NLGN1: variants seen among roughly 807,000 people sequenced by gnomAD.
NLGN1 encodes neuroligin 1.
NLGN1 carries 12 observed loss-of-function variants against 65.5 expected under a neutral mutation model. That is an observed-to-expected ratio of 0.18 (90% CI 0.12 to 0.30). NLGN1 has a LOEUF of 0.30. Among genes scored for constraint, NLGN1 ranks in the 10% least tolerant of loss-of-function variants. The probability of loss-of-function intolerance (pLI) is 1.00; values close to 1 mark genes in which losing one functional copy is unlikely to be tolerated. For missense variants in NLGN1, 750 were observed against 1,007.1 expected (o/e 0.74, Z 3.46); for synonymous variants, 350 against 359.5 (o/e 0.97, Z 0.30).
At chr3:173,414,261 A>C (rs1713212021) in intron 1 of NLGN1, among the ~76,000 whole-genome samples, 1 of 152,176 alleles carries the variant, frequency 6.6e-6, no homozygotes, top group African/African-American at 2.4e-5. Flanking sequence ...TGAGTGTGAT[A>C]AAGGAGATAT....
chr3:173,456,787 T>G (rs1722579650), intron 2 of NLGN1, among the ~76,000 whole-genome samples: 1 of 152,106 alleles, frequency 6.6e-6, no homozygotes, highest in South Asian at 2.1e-4. Context: ...GTGGGAGCAG[T>G]AGCTGTGAAA....
rs190309724 is a variant in NLGN1 at position 174,250,774 on chromosome 3, C to G, written c.647-24541C>G. On this transcript the variant is annotated intron_variant, in intron 4 of 6. Coordinates refer to ENST00000457714, the Ensembl canonical transcript of NLGN1. ...GGCCCATCTCGGGGGAAAGAAGCAG[C>G]TGTGACCCAGAATATATAGATAATC... 7.4e-3 allele frequency among the ~76,000 whole-genome samples: 1,120 copies of G among 152,072 alleles called. 47 individuals are homozygous for G. The highest frequency in any genetic ancestry group is 0.068 in the Admixed American group (1,045 of 15,268).
intron 4 of NLGN1, among the ~76,000 whole-genome samples, chr3:174,067,770 A>T (rs542072160): frequency 6.6e-6 from 1 of 152,182 alleles, no homozygotes; most frequent in Admixed American, 6.6e-5. Flanking sequence ...AAATGGAATG[A>T]TCAGATTCAA....
intron 4 of NLGN1, among the ~76,000 whole-genome samples, chr3:173,882,506 G>A (rs946289107): frequency 1.3e-5 from 2 of 152,204 alleles, no homozygotes; most frequent in Admixed American, 6.5e-5. Flanking sequence ...TGGATAACTT[G>A]CTACAGCATC....
intron 2 of NLGN1, among the ~76,000 whole-genome samples, chr3:173,526,274 A>T (rs1005231736): frequency 1.3e-5 from 2 of 152,008 alleles, no homozygotes; most frequent in Non-Finnish European, 2.9e-5. Context: ...ATATATTTAT[A>T]GTTAAATCTT....
At position 173,566,203 on chromosome 3, in the gene NLGN1, G is replaced by A. The variant is rs151230791; in HGVS notation, c.-320-38076G>A. Among the ~76,000 whole-genome samples, 14 of 152,252 alleles carry A rather than the reference G, an allele frequency of 9.2e-5. No homozygotes were observed. In the East Asian group the frequency reaches 2.5e-3, roughly 27 times the overall value. ...TATCTGGTTAGTAAATGGGTTAACC[G>A]ATCTGTACATTTCATGCATCATGGT... On this transcript the variant is annotated intron_variant, in intron 2 of 6. Transcript: ENST00000457714.
At chr3:173,694,719 C>A (rs1765957776) in intron 3 of NLGN1, among the ~76,000 whole-genome samples, 1 of 152,088 alleles carries the variant, frequency 6.6e-6, no homozygotes, top group Admixed American at 6.5e-5. Context: ...AGATTATAAG[C>A]CTAGGGCTTA....
chr3:173,543,317 T>A (rs1008725729), intron 2 of NLGN1, among the ~76,000 whole-genome samples: 4 of 152,158 alleles, frequency 2.6e-5, no homozygotes, highest in Non-Finnish European at 5.9e-5. Flanking sequence ...AATGGATGTA[T>A]TGCTAATGAA....
At chr3:174,272,327 T>C (rs749077131) in intron 4 of NLGN1, among the ~76,000 whole-genome samples, 7 of 151,750 alleles carry the variant, frequency 4.6e-5, no homozygotes, top group Admixed American at 1.3e-4. Context: ...TTTAAATGAC[T>C]ACTTCACTAG....
intron 4 of NLGN1, among the ~76,000 whole-genome samples, chr3:174,033,140 A>ACCGTG (rs1553918456): frequency 6.6e-6 from 1 of 152,182 alleles, no homozygotes; most frequent in East Asian, 1.9e-4. Context: ...ACACTGTACC[A>ACCGTG]CCGCGCCACG....
At chr3:173,698,391 TGAGA>T (rs1766565078) in intron 3 of NLGN1, among the ~76,000 whole-genome samples, 1 of 152,176 alleles carries the variant, frequency 6.6e-6, no homozygotes, top group Non-Finnish European at 1.5e-5. Context: ...CTTTCACTGA[TGAGA>T]GATAACAGAC....
intron 2 of NLGN1, among the ~76,000 whole-genome samples, chr3:173,452,428 C>T (rs1721760401): frequency 6.6e-6 from 1 of 152,176 alleles, no homozygotes; most frequent in South Asian, 2.1e-4. Context: ...CCTCATGATC[C>T]ACCCGCCTTG....
intron 4 of NLGN1, among the ~76,000 whole-genome samples, chr3:174,107,671 T>TTA (rs1328987263): frequency 1.3e-5 from 2 of 152,160 alleles, no homozygotes; most frequent in Non-Finnish European, 2.9e-5. Context: ...CATTGCTGGG[T>TTA]TATACAATAG....
chr3:173,590,779 G>T (rs1748352211), intron 2 of NLGN1, among the ~76,000 whole-genome samples: 1 of 152,048 alleles, frequency 6.6e-6, no homozygotes, highest in South Asian at 2.1e-4. Context: ...AGGGAGGAAG[G>T]ATTCTATTCA....
At chr3:173,521,750 T>C (rs1418771078) in intron 2 of NLGN1, among the ~76,000 whole-genome samples, 1 of 152,212 alleles carries the variant, frequency 6.6e-6, no homozygotes, top group Non-Finnish European at 1.5e-5. Context: ...CTAAACACTT[T>C]ACATACTCGT....
At chr3:173,934,168 A>AT (rs1465887033) in intron 4 of NLGN1, among the ~76,000 whole-genome samples, 1 of 150,740 alleles carries the variant, frequency 6.6e-6, no homozygotes, top group East Asian at 1.9e-4. Flanking sequence ...TCATTAAAAA[A>AT]GTTGGGGTGT....
chr3:173,495,989 T>C (rs1729963665), intron 2 of NLGN1, among the ~76,000 whole-genome samples: 2 of 151,842 alleles, frequency 1.3e-5, no homozygotes, highest in South Asian at 2.1e-4. Flanking sequence ...TCTCTGTAAT[T>C]GACAATTTTC....
At chr3:173,449,151 T>C (rs1450656293) in intron 2 of NLGN1, among the ~76,000 whole-genome samples, 5 of 152,144 alleles carry the variant, frequency 3.3e-5, no homozygotes, top group African/African-American at 4.8e-5. Context: ...TTAATTGTGA[T>C]GTTAGGGTGT....
intron 4 of NLGN1, among the ~76,000 whole-genome samples, chr3:173,948,598 T>G (rs1747628021): frequency 6.6e-6 from 1 of 152,158 alleles, no homozygotes; most frequent in South Asian, 2.1e-4. Flanking sequence ...CAACAGAGTC[T>G]AGGACAAAGG....
Sources: gnomAD v4.1 joint callset for allele counts (sites outside exome capture counted in the v4.1 genomes callset) on GRCh38, gnomAD v4.1.1 for gene constraint, MANE v1.5 for transcripts, NCBI Gene and HGNC (gene_info 2026-07-23, HGNC 2026-07-21) for gene names.